The following EPHB2 variants were observed in gnomAD, a reference collection of about 807,000 sequenced individuals.
EPHB2 encodes the protein ephrin type-B receptor 2.
In EPHB2, 18 loss-of-function variants were observed where a neutral mutation model predicts 96.4. The ratio of observed to expected loss-of-function variants is 0.19; its 90% CI spans 0.13 to 0.28. EPHB2 has a LOEUF of 0.28. Among genes scored for constraint, EPHB2 ranks in the 10% least tolerant of loss-of-function variants. The probability of loss-of-function intolerance (pLI) is 1.00; values close to 1 mark genes in which losing one functional copy is unlikely to be tolerated. For synonymous variants in EPHB2, 506 were observed against 534.1 expected (o/e 0.95, Z 0.72); for missense variants, 989 against 1,355.4 (o/e 0.73, Z 4.25).
At chr1:22,911,332 C>T (rs2817890) in intron 14 of EPHB2, among the ~76,000 whole-genome samples, 7,955 of 152,162 alleles carry the variant, frequency 0.052, 676 homozygotes, top group African/African-American at 0.18. Flanking sequence ...CCTACATGCA[C>T]AGATGAACAC....
At position 22,914,159 on chromosome 1, in the gene EPHB2, T is replaced by C. The variant is rs912844166; in HGVS notation, c.*589T>C. 4 of 379,452 alleles carry C rather than the reference T, an allele frequency of 1.1e-5. No homozygotes were observed. The Admixed American group carries it at 1.3e-4, about 12-fold the overall frequency. The allele number at this position is 379,452 out of a possible 1,614,324, so 23.5% of individuals were successfully genotyped here. The stretch of plus-strand genomic sequence containing the variant: ...CTGGGCAAACAGAAGAATTTTTCTG[T>C]CTTTGGAGAGTATTTTAGAAACTCC... On this transcript the variant is annotated 3_prime_UTR_variant, in exon 16 of 16. Transcript: ENST00000374630.
intron 11 of EPHB2, among the ~76,000 whole-genome samples, chr1:22,907,329 G>A (rs963874687): frequency 3.3e-5 from 5 of 152,196 alleles, no homozygotes; most frequent in African/African-American, 7.2e-5. Flanking sequence ...CACCCAGAGG[G>A]TCAAGATGAG....
intron 3 of EPHB2, among the ~76,000 whole-genome samples, chr1:22,823,039 C>T (rs1179731995): frequency 2.0e-5 from 3 of 152,168 alleles, no homozygotes; most frequent in Non-Finnish European, 4.4e-5. Flanking sequence ...GCAAGGGCAA[C>T]AGTGGGGCCA....
rs922811638 is a variant in EPHB2 at position 22,742,143 on chromosome 1, C to T, written c.61+31100C>T. Among the ~76,000 whole-genome samples, 14 of 152,304 alleles carry T rather than the reference C, an allele frequency of 9.2e-5. No individual in the cohort carries two copies. The East Asian group carries it at 2.7e-3, about 29-fold the overall frequency. ...CCCTGCTCATAGGGTCCATCCACATCATCCTCCTGGCCCATATGAGCCCAG... is the reference window on the plus strand; with the variant it reads ...CCCTGCTCATAGGGTCCATCCACATTATCCTCCTGGCCCATATGAGCCCAG... On this transcript the variant is annotated intron_variant, in intron 1 of 15. Coordinates refer to ENST00000374630, the MANE Select transcript of EPHB2 (RefSeq NM_017449.5).
chr1:22,911,197 G>C (rs1437587624), intron 14 of EPHB2, among the ~76,000 whole-genome samples: 2 of 138,276 alleles, frequency 1.4e-5, no homozygotes, highest in Non-Finnish European at 3.2e-5. Context: ...AAAGGATCCA[G>C]AATCTTAGTT....
intron 2 of EPHB2, among the ~76,000 whole-genome samples, chr1:22,781,991 C>G (rs963442905): frequency 5.3e-5 from 8 of 152,284 alleles, no homozygotes; most frequent in Middle Eastern, 3.4e-3. Flanking sequence ...ACTGAGCTCT[C>G]TGCCCGCTTT....
At chr1:22,741,250 G>A (rs531501238) in intron 1 of EPHB2, among the ~76,000 whole-genome samples, 41 of 152,010 alleles carry the variant, frequency 2.7e-4, no homozygotes, top group Admixed American at 6.6e-5. Flanking sequence ...CTCCTCTCTC[G>A]CTATGGGGCT....
intron 5 of EPHB2, among the ~76,000 whole-genome samples, chr1:22,870,644 C>T (rs757801815): frequency 3.4e-4 from 51 of 152,196 alleles, no homozygotes; most frequent in Non-Finnish European, 6.3e-4. Flanking sequence ...TCACTGATCC[C>T]GGGCTTCTAT....
chr1:22,865,288 G>T (rs1638435109), intron 5 of EPHB2, 76 bp downstream of exon 5: 1 of 1,529,450 alleles, frequency 6.5e-7, no homozygotes, highest in Non-Finnish European at 9.1e-7. Context: ...CCTCACAAAA[G>T]ACTCCTTCAC....
intron 7 of EPHB2, among the ~76,000 whole-genome samples, chr1:22,894,556 C>T (rs1166899420): frequency 1.3e-5 from 2 of 150,036 alleles, no homozygotes; most frequent in Non-Finnish European, 3.0e-5. Flanking sequence ...GAGATCGTGC[C>T]ATTTCACTCC....
At chr1:22,759,025 G>GTGGA (rs1041814005) in intron 1 of EPHB2, among the ~76,000 whole-genome samples, 1 of 152,022 alleles carries the variant, frequency 6.6e-6, no homozygotes, top group African/African-American at 2.4e-5. Context: ...TGGGTGATGG[G>GTGGA]TGGATGGATG....
chr1:22,847,894 C>T (rs1003312056), intron 3 of EPHB2, among the ~76,000 whole-genome samples: 12 of 152,168 alleles, frequency 7.9e-5, no homozygotes, highest in African/African-American at 2.9e-4. Context: ...GACTCCTACT[C>T]ATCCTTTAAT....
intron 1 of EPHB2, among the ~76,000 whole-genome samples, chr1:22,746,758 G>A (rs1394546852): frequency 6.6e-6 from 1 of 152,194 alleles, no homozygotes; most frequent in Non-Finnish European, 1.5e-5. Flanking sequence ...TCACAAAGGT[G>A]TGAAGTGTGT....
intron 3 of EPHB2, among the ~76,000 whole-genome samples, chr1:22,791,003 A>G (rs1429333643): frequency 6.6e-6 from 1 of 151,860 alleles, no homozygotes; most frequent in South Asian, 2.1e-4. Flanking sequence ...CCCCAGCCCT[A>G]CCTCTCACTA....
At chr1:22,873,772 G>A (rs1638749051) in intron 5 of EPHB2, among the ~76,000 whole-genome samples, 1 of 152,214 alleles carries the variant, frequency 6.6e-6, no homozygotes, top group Non-Finnish European at 1.5e-5. Flanking sequence ...AGGTTGCAGT[G>A]GAAGGAGGGT....
Position 22,919,786 on chromosome 1 carries a change from A to G in EPHB2, c.*6216A>G, listed in dbSNP as rs1000798940. 1 of 152,230 alleles carries G rather than the reference A, an allele frequency of 6.6e-6. No individual in the cohort carries two copies. Among genetic ancestry groups the G allele is most frequent in the Non-Finnish European group, 1.5e-5 (1 of 68,040 alleles). 9.4% of individuals were successfully genotyped at this position (152,230 alleles called of 1,614,324 possible). ...TGAGACTGCAAGAGTCATGAATTCTAACGTTCCACAGGTGAAAGATTCCAA... is the reference window on the plus strand; with the variant it reads ...TGAGACTGCAAGAGTCATGAATTCTGACGTTCCACAGGTGAAAGATTCCAA... On this transcript the variant is annotated 3_prime_UTR_variant, in exon 16 of 16. Coordinates refer to ENST00000374630, the MANE Select transcript of EPHB2 (RefSeq NM_017449.5).
At chr1:22,797,374 T>C (rs1195484846) in intron 3 of EPHB2, among the ~76,000 whole-genome samples, 2 of 152,182 alleles carry the variant, frequency 1.3e-5, no homozygotes, top group Non-Finnish European at 2.9e-5. Flanking sequence ...TCTGACAAAG[T>C]GACTGCTCCC....
At chr1:22,832,961 A>C (rs1645327846) in intron 3 of EPHB2, among the ~76,000 whole-genome samples, 1 of 152,126 alleles carries the variant, frequency 6.6e-6, no homozygotes, top group Non-Finnish European at 1.5e-5. Context: ...GACAGGGAGA[A>C]TGTTCTGGAA....
intron 1 of EPHB2, among the ~76,000 whole-genome samples, chr1:22,779,094 G>C (rs748579858): frequency 1.8e-4 from 28 of 152,348 alleles, no homozygotes; most frequent in Non-Finnish European, 3.4e-4. Context: ...CCCAGGCAGA[G>C]AGCCCGGCTT....
Sources: allele counts gnomAD v4.1 joint callset (sites outside exome capture counted in the v4.1 genomes callset), GRCh38; gene constraint gnomAD v4.1.1; transcripts MANE v1.5; gene names NCBI Gene and HGNC (gene_info 2026-07-23, HGNC 2026-07-21).